AUTS2: variants seen among roughly 807,000 people sequenced by gnomAD.
The protein encoded by AUTS2 is autism susceptibility gene 2 protein.
AUTS2 carries 17 observed loss-of-function variants against 112.4 expected under a neutral mutation model. That is an observed-to-expected ratio of 0.15 (90% CI 0.10 to 0.23). AUTS2 has a LOEUF of 0.23. Ranked by LOEUF, AUTS2 falls within the 10% of genes least tolerant of loss-of-function variation. The probability of loss-of-function intolerance (pLI) is 1.00; values close to 1 mark genes in which losing one functional copy is unlikely to be tolerated. For synonymous variants in AUTS2, 751 were observed against 702.7 expected (o/e 1.07, Z -1.09); for missense variants, 1,510 against 1,701.6 (o/e 0.89, Z 1.98).
At chr7:70,190,736 CT>C (rs1033394163) in intron 4 of AUTS2, among the ~76,000 whole-genome samples, 3 of 151,908 alleles carry the variant, frequency 2.0e-5, no homozygotes, top group South Asian at 2.1e-4. Flanking sequence ...CCAACGTAGA[CT>C]TTTTTTTATG....
intron 4 of AUTS2, among the ~76,000 whole-genome samples, chr7:70,177,727 TGTAA>T (rs1454971287): frequency 6.6e-6 from 1 of 152,196 alleles, no homozygotes; most frequent in African/African-American, 2.4e-5. Flanking sequence ...TTTTATGATG[TGTAA>T]GTGATTTAAG....
At chr7:70,327,039 TC>T (rs1790522517) in intron 4 of AUTS2, among the ~76,000 whole-genome samples, 1 of 148,776 alleles carries the variant, frequency 6.7e-6, no homozygotes. Flanking sequence ...TGCCTCAGCC[TC>T]CCAGGTAGCT....
intron 14 of AUTS2, 52 bp from the exon 15 acceptor site, chr7:70,781,563 T>A: frequency 5.6e-6 from 9 of 1,603,474 alleles, no homozygotes; most frequent in Non-Finnish European, 7.7e-6. Flanking sequence ...CACTAACACC[T>A]TTATTCCTTG....
chr7:69,730,186 T>G (rs902342557), intron 1 of AUTS2, among the ~76,000 whole-genome samples: 4 of 151,812 alleles, frequency 2.6e-5, no homozygotes, highest in African/African-American at 7.3e-5. Flanking sequence ...TTTTTCCAAG[T>G]TTTTTCTTTT....
At chr7:69,696,453 A>C (rs1797566602) in intron 1 of AUTS2, among the ~76,000 whole-genome samples, 2 of 152,270 alleles carry the variant, frequency 1.3e-5, no homozygotes, top group South Asian at 4.1e-4. Flanking sequence ...CAGCAGGGTA[A>C]TTAGGCTCAT....
At chr7:70,109,891 C>T (rs999075772) in intron 2 of AUTS2, among the ~76,000 whole-genome samples, 9 of 152,170 alleles carry the variant, frequency 5.9e-5, no homozygotes, top group Non-Finnish European at 1.2e-4. Flanking sequence ...TTACATTTTA[C>T]AGCATAATTA....
intron 2 of AUTS2, among the ~76,000 whole-genome samples, chr7:70,050,228 G>A (rs955837586): frequency 6.6e-6 from 1 of 150,950 alleles, no homozygotes; most frequent in African/African-American, 2.4e-5. Flanking sequence ...GTGGTGGTGC[G>A]CACCTGTAGT....
chr7:69,817,094 ATTC>A (rs1790794987), intron 1 of AUTS2, among the ~76,000 whole-genome samples: 1 of 152,240 alleles, frequency 6.6e-6, no homozygotes, highest in Admixed American at 6.5e-5. Flanking sequence ...AATGTTTGCC[ATTC>A]TTCTTCATCA....
chr7:70,082,847 A>G (rs1204150316), intron 2 of AUTS2, among the ~76,000 whole-genome samples: 1 of 152,192 alleles, frequency 6.6e-6, no homozygotes, highest in East Asian at 1.9e-4. Flanking sequence ...ATATAAGGTC[A>G]CCAGTAAATT....
intron 1 of AUTS2, among the ~76,000 whole-genome samples, chr7:69,879,620 C>T (rs1793955277): frequency 6.6e-6 from 1 of 152,134 alleles, no homozygotes; most frequent in Admixed American, 6.5e-5. Context: ...TATATATTAA[C>T]TTATTAAATT....
At position 70,352,961 on chromosome 7, in the gene AUTS2, G is replaced by A. The variant is rs112736807; in HGVS notation, c.661-82791G>A. ...TGGCAAAGAAAACAGCATCTGCAGA[G>A]GCTCTGAGGTTGGAAAGGCTTTGTT... On this transcript the variant is annotated intron_variant, in intron 4 of 18. Coordinates refer to ENST00000342771, the MANE Select transcript of AUTS2 (RefSeq NM_015570.4). Among the ~76,000 whole-genome samples, 4 of 152,300 alleles carry A rather than the reference G, an allele frequency of 2.6e-5. 1 individual carries two copies. Among genetic ancestry groups the A allele is most frequent in the South Asian group, 2.1e-4 (1 of 4,818 alleles).
chr7:70,767,959 C>G, intron 9 of AUTS2, 65 bp from the exon 10 acceptor site: 1 of 1,522,534 alleles, frequency 6.6e-7, no homozygotes, highest in Non-Finnish European at 9.1e-7. Flanking sequence ...GTAGGGCCAC[C>G]TCCACTGTAG....
chr7:69,797,540 A>G (rs1789899900), intron 1 of AUTS2, among the ~76,000 whole-genome samples: 1 of 152,134 alleles, frequency 6.6e-6, no homozygotes, highest in Non-Finnish European at 1.5e-5. Flanking sequence ...TGAGAAGGGA[A>G]ATTGACCTTG....
At chr7:69,959,311 A>G (rs1797339234) in intron 2 of AUTS2, among the ~76,000 whole-genome samples, 1 of 152,194 alleles carries the variant, frequency 6.6e-6, no homozygotes. Context: ...GAAACTATTC[A>G]AGTTACTTAC....
At chr7:70,238,173 G>T (rs1444132253) in intron 4 of AUTS2, among the ~76,000 whole-genome samples, 1 of 152,190 alleles carries the variant, frequency 6.6e-6, no homozygotes, top group Non-Finnish European at 1.5e-5. Context: ...AATCTGAGCA[G>T]ATCTTGTCAC....
At chr7:70,249,129 A>G (rs1813079412) in intron 4 of AUTS2, among the ~76,000 whole-genome samples, 1 of 152,160 alleles carries the variant, frequency 6.6e-6, no homozygotes, top group Non-Finnish European at 1.5e-5. Flanking sequence ...ATAAGGTGTT[A>G]TTTAATTGTT....
chr7:69,973,469 A>G (rs28770244), intron 2 of AUTS2, among the ~76,000 whole-genome samples: 54,737 of 151,990 alleles, frequency 0.36, 10,432 homozygotes, highest in African/African-American at 0.48. Context: ...ATGCGGTGTG[A>G]ACTAAGAGTG....
At chr7:69,881,099 G>A (rs1047776416) in intron 1 of AUTS2, among the ~76,000 whole-genome samples, 76 of 152,276 alleles carry the variant, frequency 5.0e-4, no homozygotes, top group African/African-American at 1.8e-3. Flanking sequence ...AGCAGCTTAT[G>A]GACATAAAAA....
chr7:70,748,067 A>G (rs1788581409), intron 6 of AUTS2, among the ~76,000 whole-genome samples: 1 of 142,922 alleles, frequency 7.0e-6, no homozygotes, highest in Admixed American at 7.3e-5. Flanking sequence ...TGACCTCGTG[A>G]TCCGCCCGTC....
Sources: gnomAD v4.1 joint callset for allele counts (sites outside exome capture counted in the v4.1 genomes callset) on GRCh38, gnomAD v4.1.1 for gene constraint, MANE v1.5 for transcripts, NCBI Gene and HGNC (gene_info 2026-07-23, HGNC 2026-07-21) for gene names.